PTPRD: variants seen among roughly 807,000 people sequenced by gnomAD.
PTPRD encodes receptor-type tyrosine-protein phosphatase delta.
Under a neutral mutation model 214.5 loss-of-function variants are expected in PTPRD, and 34 were observed. That is an observed-to-expected ratio of 0.16 (90% CI 0.12 to 0.21). The LOEUF is 0.21. Among genes scored for constraint, PTPRD ranks in the 10% least tolerant of loss-of-function variants. The pLI is 1.00. For synonymous variants in PTPRD, 1,128 were observed against 845.7 expected (o/e 1.33, Z -5.79); for missense variants, 2,545 against 2,398.7 (o/e 1.06, Z -1.27).
chr9:10,284,059 G>A (rs1488770741), intron 3 of PTPRD, among the ~76,000 whole-genome samples: 1 of 152,022 alleles, frequency 6.6e-6, no homozygotes. Context: ...TGCACTCTCT[G>A]CTCGGCTTAT....
chr9:8,347,362 C>T (rs995708634), intron 39 of PTPRD, among the ~76,000 whole-genome samples: 1 of 152,108 alleles, frequency 6.6e-6, no homozygotes, highest in Non-Finnish European at 1.5e-5. Context: ...GCCTACTATT[C>T]CACAAACATT....
intron 8 of PTPRD, among the ~76,000 whole-genome samples, chr9:9,441,363 A>T (rs538622943): frequency 6.6e-6 from 1 of 152,380 alleles, no homozygotes; most frequent in Admixed American, 6.5e-5. Flanking sequence ...GGAAGAAGAC[A>T]GGTAAAAAGG....
intron 8 of PTPRD, among the ~76,000 whole-genome samples, chr9:9,534,936 C>T (rs945774131): frequency 3.9e-5 from 6 of 151,930 alleles, no homozygotes; most frequent in Admixed American, 6.6e-5. Context: ...TGTGCAGTCC[C>T]GGGACTGCAA....
intron 14 of PTPRD, among the ~76,000 whole-genome samples, chr9:8,587,001 T>A (rs2093709565): frequency 6.6e-6 from 1 of 152,026 alleles, no homozygotes; most frequent in African/African-American, 2.4e-5. Context: ...CAAAAAATTA[T>A]GCGGGCATGG....
At chr9:10,126,963 T>G (rs2098824836) in intron 3 of PTPRD, among the ~76,000 whole-genome samples, 1 of 146,124 alleles carries the variant, frequency 6.8e-6, no homozygotes, top group Non-Finnish European at 1.5e-5. Context: ...TTTTTTTTTT[T>G]GGCAGAAACA....
At chr9:10,485,849 T>C (rs1287661432) in intron 2 of PTPRD, among the ~76,000 whole-genome samples, 1 of 152,102 alleles carries the variant, frequency 6.6e-6, no homozygotes, top group African/African-American at 2.4e-5. Context: ...TTGAAATAGA[T>C]TGTTCAGTTT....
chr9:10,094,857 T>G (rs933172312), intron 3 of PTPRD, among the ~76,000 whole-genome samples: 3 of 151,446 alleles, frequency 2.0e-5, no homozygotes, highest in Non-Finnish European at 4.4e-5. Flanking sequence ...TTACACTAAG[T>G]GCCAGGTTTT....
intron 2 of PTPRD, among the ~76,000 whole-genome samples, chr9:10,589,209 G>C (rs2074763491): frequency 6.6e-6 from 1 of 151,944 alleles, no homozygotes; most frequent in Non-Finnish European, 1.5e-5. Context: ...ATGTCTGTGT[G>C]GGTCAGATAA....
intron 2 of PTPRD, among the ~76,000 whole-genome samples, chr9:10,364,936 A>T (rs2097485539): frequency 6.6e-6 from 1 of 152,220 alleles, no homozygotes; most frequent in South Asian, 2.1e-4. Flanking sequence ...ATCTCCTACA[A>T]AGATGTTCTT....
chr9:9,957,944 T>G (rs571105581), intron 4 of PTPRD, among the ~76,000 whole-genome samples: 1 of 152,160 alleles, frequency 6.6e-6, no homozygotes, highest in Non-Finnish European at 1.5e-5. Context: ...CAACTGATCT[T>G]TGACAAAAAA....
chr9:9,294,986 C>G (rs1952507542), intron 9 of PTPRD, among the ~76,000 whole-genome samples: 1 of 151,738 alleles, frequency 6.6e-6, no homozygotes, highest in South Asian at 2.1e-4. Context: ...TTAGTAAGTA[C>G]TTGTATCAGG....
intron 7 of PTPRD, among the ~76,000 whole-genome samples, chr9:9,604,586 G>A (rs898429428): frequency 6.6e-6 from 1 of 151,914 alleles, no homozygotes; most frequent in Non-Finnish European, 1.5e-5. Flanking sequence ...AGTGTTCTTT[G>A]AACTTGAAAT....
At chr9:10,107,957 G>C (rs907839733) in intron 3 of PTPRD, among the ~76,000 whole-genome samples, 1 of 152,058 alleles carries the variant, frequency 6.6e-6, no homozygotes, top group Admixed American at 6.6e-5. Flanking sequence ...CATTGGTTCT[G>C]ATCATTCAGA....
At chr9:10,193,563 T>C (rs1050742755) in intron 3 of PTPRD, among the ~76,000 whole-genome samples, 3 of 152,142 alleles carry the variant, frequency 2.0e-5, no homozygotes, top group Admixed American at 1.3e-4. Context: ...TGTGAACGGA[T>C]ACAGGAATGA....
intron 10 of PTPRD, among the ~76,000 whole-genome samples, chr9:9,114,746 A>G (rs2099810649): frequency 6.6e-6 from 1 of 152,104 alleles, no homozygotes; most frequent in African/African-American, 2.4e-5. Context: ...TCCTCTTTCT[A>G]TAGTTAAGCA....
chr9:10,363,510 C>T (rs545074077), intron 2 of PTPRD, among the ~76,000 whole-genome samples: 1 of 152,326 alleles, frequency 6.6e-6, no homozygotes, highest in Non-Finnish European at 1.5e-5. Flanking sequence ...ATTCTTCAAG[C>T]TCCACTTGGG....
chr9:8,826,029 G>A (rs1186340429), intron 11 of PTPRD, among the ~76,000 whole-genome samples: 1 of 152,158 alleles, frequency 6.6e-6, no homozygotes, highest in Non-Finnish European at 1.5e-5. Flanking sequence ...AGGCAGCACA[G>A]TAGATCTTAG....
intron 9 of PTPRD, among the ~76,000 whole-genome samples, chr9:9,339,861 A>C (rs991900226): frequency 1.3e-5 from 2 of 152,202 alleles, no homozygotes; most frequent in East Asian, 3.9e-4. Flanking sequence ...AGTGGATATA[A>C]TAACACCATT....
At chr9:9,428,697 A>G in intron 8 of PTPRD, among the ~76,000 whole-genome samples, 1 of 152,190 alleles carries the variant, frequency 6.6e-6, no homozygotes, top group African/African-American at 2.4e-5. Context: ...AATTATAACA[A>G]ACTGTCTCTC....
Sources: allele counts gnomAD v4.1 joint callset (sites outside exome capture counted in the v4.1 genomes callset), GRCh38; gene constraint gnomAD v4.1.1; transcripts MANE v1.5; gene names NCBI Gene and HGNC (gene_info 2026-07-23, HGNC 2026-07-21).